The following UNC5D variants were observed in gnomAD, a reference collection of about 807,000 sequenced individuals.
UNC5D encodes the protein unc-5 netrin receptor D, also known as netrin receptor UNC5D.
In UNC5D, 39 loss-of-function variants were observed where a neutral mutation model predicts 105.4. The observed-to-expected ratio is 0.37, with a 90% confidence interval of 0.29 to 0.48. The LOEUF (loss-of-function observed/expected upper bound fraction) is 0.48, where lower values mean the gene tolerates loss of function less well. Ranked by LOEUF, UNC5D falls within the 20% of genes least tolerant of loss-of-function variation. The pLI, the probability that UNC5D is intolerant of heterozygous loss-of-function variation, is 0.98. For synonymous variants in UNC5D, 452 were observed against 450.4 expected (o/e 1.00, Z -0.04); for missense variants, 991 against 1,202.4 (o/e 0.82, Z 2.60).
chr8:35,724,815 G>C (rs979138180), intron 9 of UNC5D, among the ~76,000 whole-genome samples: 8 of 152,148 alleles, frequency 5.3e-5, no homozygotes, highest in Non-Finnish European at 1.2e-4. Context: ...TTTTGGTCCT[G>C]CTTCTTTCCT....
At chr8:35,430,289 T>C (rs1182571293) in intron 1 of UNC5D, among the ~76,000 whole-genome samples, 2 of 152,052 alleles carry the variant, frequency 1.3e-5, no homozygotes, top group African/African-American at 4.8e-5. Flanking sequence ...AGCTTCCAGA[T>C]AGCCGAACAT....
At chr8:35,770,752 G>A (rs1050320868) in intron 15 of UNC5D, among the ~76,000 whole-genome samples, 1 of 152,100 alleles carries the variant, frequency 6.6e-6, no homozygotes, top group Non-Finnish European at 1.5e-5. Flanking sequence ...ACAACTTGAA[G>A]GAATCTTGCA....
At chr8:35,368,664 T>G (rs765800800) in intron 1 of UNC5D, among the ~76,000 whole-genome samples, 14 of 151,952 alleles carry the variant, frequency 9.2e-5, no homozygotes, top group Non-Finnish European at 1.3e-4. Flanking sequence ...GTTGCGTCTC[T>G]TTAAAATTCG....
chr8:35,726,437 T>C lies in UNC5D; in HGVS notation c.1589T>C (p.Ile530Thr), dbSNP rs1226879822. The C allele has an allele frequency of 6.2e-7, 1 of 1,613,984 alleles. No homozygotes were observed. ...TMHPRNKMPY[I>T]QNLSSLPTRT... ...CATCCCAGAAATAAAATGCCCTACA[T>C]CCAAAATCTGTCATCACTCCCCACA... The change falls in exon 10 of 17, where the codon ATC becomes ACC. Residue 530 changes from isoleucine to threonine, a missense_variant. Transcript: ENST00000404895.
chr8:35,311,453 C>A (rs1585557077), intron 1 of UNC5D, among the ~76,000 whole-genome samples: 1 of 151,264 alleles, frequency 6.6e-6, no homozygotes, highest in East Asian at 1.9e-4. Flanking sequence ...CCTCAGAAAA[C>A]TTTTTTTTTG....
chr8:35,411,790 A>G (rs1216457057), intron 1 of UNC5D, among the ~76,000 whole-genome samples: 1 of 151,878 alleles, frequency 6.6e-6, no homozygotes, highest in African/African-American at 2.4e-5. Context: ...AGGACTGTTT[A>G]ATTTTTTTTA....
chr8:35,262,970 T>C (rs1380802039), intron 1 of UNC5D, among the ~76,000 whole-genome samples: 1 of 152,172 alleles, frequency 6.6e-6, no homozygotes, highest in Non-Finnish European at 1.5e-5. Flanking sequence ...TTATTGCCAT[T>C]AAGATAAGGA....
At chr8:35,721,579 GC>G in intron 8 of UNC5D, 1 of 697,470 alleles carries the variant, frequency 1.4e-6, no homozygotes, top group Admixed American at 2.0e-5. Flanking sequence ...GGACTTAACA[GC>G]ACCTGGGACC....
intron 1 of UNC5D, among the ~76,000 whole-genome samples, chr8:35,319,233 C>T (rs1372962528): frequency 6.6e-6 from 1 of 152,110 alleles, no homozygotes; most frequent in Non-Finnish European, 1.5e-5. Flanking sequence ...CAAACTTAAT[C>T]TCATTTACAG....
At chr8:35,767,941 C>T (rs1481259651) in intron 15 of UNC5D, among the ~76,000 whole-genome samples, 1 of 151,806 alleles carries the variant, frequency 6.6e-6, no homozygotes, top group Non-Finnish European at 1.5e-5. Flanking sequence ...TTGTCAGTTT[C>T]CAGGTCATTA....
intron 1 of UNC5D, among the ~76,000 whole-genome samples, chr8:35,284,301 A>C (rs1806422334): frequency 6.6e-6 from 1 of 152,224 alleles, no homozygotes; most frequent in Non-Finnish European, 1.5e-5. Context: ...CCATCTTTTA[A>C]TTGAATGCTT....
intron 1 of UNC5D, among the ~76,000 whole-genome samples, chr8:35,498,084 C>CAAAAAAAAAAAAAA (rs58175711): frequency 6.9e-5 from 4 of 58,148 alleles, no homozygotes; most frequent in Non-Finnish European, 1.4e-4. Context: ...CAAAACAAAA[C>CAAAAAAAAAAAAAA]AAAAAAAAAA....
chr8:35,576,622 GTTTGT>G (rs984490107), intron 3 of UNC5D, among the ~76,000 whole-genome samples: 11 of 151,932 alleles, frequency 7.2e-5, no homozygotes, highest in African/African-American at 2.2e-4. Context: ...TTGTTTGTTT[GTTTGT>G]TTTGAGACAG....
Position 35,414,689 on chromosome 8 carries a change from A to ACC in UNC5D, c.104-134602_104-134601dup, listed in dbSNP as rs560374920. On this transcript the variant is annotated intron_variant, in intron 1 of 16. Transcript: ENST00000404895. ...ATTCATTGTCTTATTTGTCACATTT[A>ACC]CCACAGGCTGTGAAAAGTCTGACCT... is the stretch of plus-strand genomic sequence containing the variant. Among the ~76,000 whole-genome samples the ACC allele has an allele frequency of 2.6e-3, 399 of 152,264 alleles. 2 individuals carry two copies. The highest frequency in any genetic ancestry group is 9.0e-3 in the African/African-American group (373 of 41,562).
At chr8:35,707,355 C>A (rs1827651433) in intron 8 of UNC5D, among the ~76,000 whole-genome samples, 1 of 152,156 alleles carries the variant, frequency 6.6e-6, no homozygotes, top group Non-Finnish European at 1.5e-5. Flanking sequence ...TCCCTGCTGT[C>A]TGCTGCCCAT....
intron 1 of UNC5D, among the ~76,000 whole-genome samples, chr8:35,496,376 G>C (rs28591276): frequency 6.6e-6 from 1 of 152,178 alleles, no homozygotes; most frequent in African/African-American, 2.4e-5. Context: ...CTTTCTGGCT[G>C]TAGTATAGAG....
At chr8:35,349,995 T>C (rs759954412) in intron 1 of UNC5D, among the ~76,000 whole-genome samples, 28 of 152,002 alleles carry the variant, frequency 1.8e-4, no homozygotes. Flanking sequence ...CTGTGCAATA[T>C]CAGTGTAGTG....
intron 1 of UNC5D, among the ~76,000 whole-genome samples, chr8:35,503,494 G>T (rs1563479655): frequency 6.6e-6 from 1 of 152,142 alleles, no homozygotes; most frequent in Non-Finnish European, 1.5e-5. Flanking sequence ...CAGCATGTGG[G>T]AATTATGGGA....
At chr8:35,513,398 T>G (rs77142980) in intron 1 of UNC5D, among the ~76,000 whole-genome samples, 19,189 of 151,878 alleles carry the variant, frequency 0.13, 1,485 homozygotes, top group East Asian at 0.25. Context: ...CTGGCTGATT[T>G]TTTTGCATTT....
Sources: gnomAD v4.1 joint callset for allele counts (sites outside exome capture counted in the v4.1 genomes callset) on GRCh38, gnomAD v4.1.1 for gene constraint, MANE v1.5 for transcripts, NCBI Gene and HGNC (gene_info 2026-07-23, HGNC 2026-07-21) for gene names.